The following TKFC variants were observed in gnomAD, a reference collection of about 807,000 sequenced individuals.
TKFC encodes triokinase/FMN cyclase.
In TKFC, 46 loss-of-function variants were observed where a neutral mutation model predicts 61.0. The ratio of observed to expected loss-of-function variants is 0.75; its 90% CI spans 0.60 to 0.96. The LOEUF (loss-of-function observed/expected upper bound fraction) is 0.96. TKFC is among the 50% of genes least tolerant of loss of function. TKFC has a pLI of 0.00. For synonymous variants in TKFC, 314 were observed against 330.1 expected, an observed-to-expected ratio of 0.95 and a Z score of 0.53; for missense variants, 715 against 777.5, an observed-to-expected ratio of 0.92 and a Z score of 0.96.
At position 61,337,962 on chromosome 11, in the gene TKFC, T is replaced by A. The variant is rs781459093; in HGVS notation, c.25T>A (p.Ser9Thr). 1.2e-6 allele frequency: 2 copies of A among 1,609,176 alleles called. No homozygotes were observed. The highest frequency in any genetic ancestry group is 8.5e-7 in the Non-Finnish European group (1 of 1,178,162). The change falls in exon 3 of 18, where the codon TCG becomes ACG. Residue 9 changes from serine (S) to threonine (T), a missense_variant. By Grantham distance (58) the Ser-to-Thr change is moderately conservative. Transcript: ENST00000394900. MTSKKLVN[S>T]VAGCADDALA... ...GCAGACCTCCAAGAAGCTGGTGAACTCGGTGGCTGGCTGTGCTGATGACGC... is the reference window on the plus strand; with the variant it reads ...GCAGACCTCCAAGAAGCTGGTGAACACGGTGGCTGGCTGTGCTGATGACGC...
At chr11:61,344,419 A>G (rs1342261175) in intron 13 of TKFC, 146 bp downstream of exon 13, 1 of 1,183,870 alleles carries the variant, frequency 8.4e-7, no homozygotes, top group African/African-American at 1.6e-5. Context: ...TGGAGTATGC[A>G]ATGGTGTGAT....
rs767924731 is a variant in TKFC, at chr11:61,342,468, C to T, written c.663C>T (p.His221=). 15 of 1,613,948 alleles carry T rather than the reference C, an allele frequency of 9.3e-6. No homozygotes were observed. In the East Asian group the frequency reaches 1.1e-4, roughly 12 times the overall value. ...GACCACATCTATCCGCAGGGATCCA[C>T]GGGGAAGCTGGTGTGCGCCGGATAA... ...ADEVELGLGI[H]GEAGVRRIKM... is the part of the protein sequence containing the mutation. Residue 221 remains histidine (H), a synonymous_variant, in exon 8 of 18, where the codon CAC becomes CAT. Transcript: ENST00000394900.
rs1238667379 is a variant in TKFC at position 61,341,834 on chromosome 11, G to T, written c.577G>T (p.Val193Leu). The T allele has an allele frequency of 1.9e-6, 3 of 1,613,938 alleles. No homozygotes were observed. The highest frequency in any genetic ancestry group is 2.5e-6 in the Non-Finnish European group (3 of 1,179,904). ...CTTGTTTCTCATAGGTACCCTGGGG[G>T]TGAGCTTATCCTCCTGCAGCGTCCC... is the stretch of plus-strand genomic sequence containing the variant. The part of the protein sequence containing the change: ...VVAKAMGTLG[V>L]SLSSCSVPGS... Residue 193 changes from valine (V) to leucine (L), a missense_variant, in exon 7 of 18, where the codon GTG (valine) becomes TTG (leucine). Transcript: ENST00000394900.
chr11:61,348,464 C>A lies in TKFC; in HGVS notation c.*1961C>A. ...CCCAGAACTCATTTAACCACAGCAT[C>A]ATTTCATTAGAGGGCTGTTATTAGA... On this transcript the variant is annotated 3_prime_UTR_variant, in exon 18 of 18. Coordinates refer to ENST00000394900, the MANE Select transcript of TKFC (RefSeq NM_015533.4). 1 of 985,472 alleles carries A rather than the reference C, an allele frequency of 1.0e-6. No individual in the cohort carries two copies. Among genetic ancestry groups the A allele is most frequent in the Non-Finnish European group, 1.2e-6 (1 of 829,976 alleles). The allele number at this position is 985,472 out of a possible 1,614,324, so 61.0% of individuals were successfully genotyped here.
At chr11:61,343,199 A>G in intron 10 of TKFC, 143 bp from the exon 11 acceptor site, 1 of 755,586 alleles carries the variant, frequency 1.3e-6, no homozygotes, top group Non-Finnish European at 2.2e-6. Context: ...TTGTGGGGTT[A>G]TTGAGGGATG....
chr11:61,348,154 G>A lies in TKFC; in HGVS notation c.*1651G>A, dbSNP rs1345157894. The A allele has an allele frequency of 4.1e-6, 4 of 985,426 alleles. No individual in the cohort carries two copies. Among genetic ancestry groups the A allele is most frequent in the Non-Finnish European group, 4.8e-6 (4 of 829,936 alleles). 61.0% of individuals were successfully genotyped at this position (985,426 alleles called of 1,614,324 possible). ...GCTGGGAAGGAGGCTGACCTCAGAC[G>A]GTGGCCTGTGGATCCCAGCTCTGTC... On this transcript the variant is annotated 3_prime_UTR_variant, in exon 18 of 18. Transcript: ENST00000394900.
At position 61,345,342 on chromosome 11, in the gene TKFC, G is replaced by C. The variant is rs1357935285; in HGVS notation, c.1323G>C (p.Glu441Asp). Residue 441 changes from glutamate to aspartate, a missense_variant, in exon 14 of 18, where the codon GAG (glutamate) becomes GAC (aspartate). Glu to Asp is a conservative substitution (Grantham distance 45). Coordinates refer to ENST00000394900, the MANE Select transcript of TKFC (RefSeq NM_015533.4). Reference sequence around the variant, plus strand: ...CCAAGTTGTCTGTCCTGCTCCTGGAGAAGATGGGAGGCTCATCTGGGGCGG... The same window carrying C: ...CCAAGTTGTCTGTCCTGCTCCTGGACAAGATGGGAGGCTCATCTGGGGCGG... ...LLSKLSVLLL[E>D]KMGGSSGALY... 6.2e-7 allele frequency: 1 copy of C among 1,604,434 alleles called. No individual in the cohort carries two copies. Among genetic ancestry groups the C allele is most frequent in the Non-Finnish European group, 8.5e-7 (1 of 1,173,280 alleles).
At chr11:61,349,512 G>A (rs996944938), downstream of TKFC, 45 of 702,260 alleles carry the variant, frequency 6.4e-5, no homozygotes, top group African/African-American at 1.0e-4. Context: ...GTTACTCATC[G>A]CTACTGGGAC....
rs367897915 is a variant in TKFC at position 61,341,495 on chromosome 11, C to A, written c.546C>A (p.Asn182Lys). 6.4e-7 allele frequency: 1 copy of A among 1,555,456 alleles called. No individual in the cohort carries two copies. Among genetic ancestry groups the A allele is most frequent in the Admixed American group, 1.9e-5 (1 of 51,380 alleles). Reference sequence around the variant, plus strand: ...TGGAGGAGATCGCAAAGCAGGTGAACGTGGTCGCCAAGGCCATGGGTGAGT... The same window carrying A: ...TGGAGGAGATCGCAAAGCAGGTGAAAGTGGTCGCCAAGGCCATGGGTGAGT... ...VGLEEIAKQV[N>K]VVAKAMGTLG... The change falls in exon 6 of 18, where the codon AAC becomes AAA. Residue 182 changes from asparagine to lysine, a missense_variant. Coordinates refer to ENST00000394900, the MANE Select transcript of TKFC (RefSeq NM_015533.4).
chr11:61,333,390 CT>C, intron 1 of TKFC, 61 bp downstream of exon 1: 1 of 159,444 alleles, frequency 6.3e-6, no homozygotes, highest in Non-Finnish European at 1.4e-5. Flanking sequence ...GCCCTTTGCC[CT>C]TCCCCGCATC....
rs139629573 is a variant in TKFC at position 61,342,658 on chromosome 11, G to A, written c.775G>A (p.Gly259Ser). 1.3e-4 allele frequency: 210 copies of A among 1,614,012 alleles called. No homozygotes were observed. In the Middle Eastern group the frequency reaches 1.3e-3, roughly 10 times the overall value. ...TNASHVPVQP[G>S]SSVVMMVNNL... Reference sequence around the variant, plus strand: ...CGCGTCCCATGTGCCTGTGCAGCCCGGTGGGTAGCCTCTCGCCCGCGTCTC... The same window carrying A: ...CGCGTCCCATGTGCCTGTGCAGCCCAGTGGGTAGCCTCTCGCCCGCGTCTC... The change falls in exon 9 of 18, where the codon GGC becomes AGC. Residue 259 changes from glycine to serine, a missense_variant and splice_region_variant. Transcript: ENST00000394900.
At position 61,346,035 on chromosome 11, in the gene TKFC, C is replaced by T. The variant is rs750553473; in HGVS notation, c.1575+89C>T. 7.3e-7 allele frequency: 1 copy of T among 1,372,164 alleles called. No homozygotes were observed. Among genetic ancestry groups the T allele is most frequent in the Non-Finnish European group, 1.0e-6 (1 of 993,256 alleles). 85.0% of individuals were successfully genotyped at this position (1,372,164 alleles called of 1,614,324 possible). ...ATGTGACCCTGAGCAAGTTAATAAC[C>T]TTCCTGGACCGCAGTTTCCTTCTCT... On this transcript the variant is annotated intron_variant, in intron 17 of 17. Transcript: ENST00000394900. The surrounding 1 kb of genome is among the most constrained non-coding windows in gnomAD (Gnocchi z 4.1).
downstream of TKFC, chr11:61,350,780 A>G (rs187388014): frequency 1.4e-4 from 94 of 672,260 alleles, no homozygotes; most frequent in African/African-American, 5.1e-4. Context: ...CTGTCTCCCA[A>G]TGGACAGACT....
chr11:61,338,941 G>A lies in TKFC; in HGVS notation c.194-125G>A, dbSNP rs1286015008. On this transcript the variant is annotated intron_variant, in intron 3 of 17. Transcript: ENST00000394900. ...AGGAGTCAGCCATGTGAAGACCTGG[G>A]GGATCTTTGAGCACCAAGCACACAG... is the stretch of plus-strand genomic sequence containing the variant. The A allele has an allele frequency of 3.9e-6, 3 of 770,806 alleles. No homozygotes were observed. In the Admixed American group the frequency reaches 8.2e-5, roughly 21 times the overall value. The allele number at this position is 770,806 out of a possible 1,614,324, so 47.7% of individuals were successfully genotyped here. A position where few individuals can be genotyped will look rare whatever the true frequency, so the allele number is the denominator to read the frequency against.
At position 61,347,721 on chromosome 11, in the gene TKFC, A is replaced by G. The variant is rs1239561922; in HGVS notation, c.*1218A>G. On this transcript the variant is annotated 3_prime_UTR_variant, in exon 18 of 18. Transcript: ENST00000394900. ...AGGCACTGGCTGTCGACTCATACACATGATCTGAAATCTGATTCTGCTTTA... is the reference window on the plus strand; with the variant it reads ...AGGCACTGGCTGTCGACTCATACACGTGATCTGAAATCTGATTCTGCTTTA... 8.1e-6 allele frequency: 8 copies of G among 985,100 alleles called. No homozygotes were observed. The South Asian group carries it at 2.3e-4, about 29-fold the overall frequency. 61.0% of individuals were successfully genotyped at this position (985,100 alleles called of 1,614,324 possible).
chr11:61,343,203 A>T, intron 10 of TKFC, 139 bp from the exon 11 acceptor site: 2 of 772,412 alleles, frequency 2.6e-6, no homozygotes, highest in Admixed American at 4.6e-5. Flanking sequence ...GGGGTTATTG[A>T]GGGATGCCTG....
chr11:61,341,309 C>A, intron 5 of TKFC, 127 bp from the exon 6 acceptor site: 1 of 997,926 alleles, frequency 1.0e-6, no homozygotes, highest in East Asian at 2.6e-5. Context: ...ATGTGATGGG[C>A]CAGGTTGAGT....
intron 7 of TKFC, 107 bp downstream of exon 7, chr11:61,342,019 T>G: frequency 9.0e-7 from 1 of 1,106,802 alleles, no homozygotes; most frequent in Non-Finnish European, 1.3e-6. Flanking sequence ...CCAGGTGGTC[T>G]TAGTATTTTT....
chr11:61,353,375 T>G (rs1368618220), downstream of TKFC: 3 of 614,838 alleles, frequency 4.9e-6, no homozygotes, highest in Non-Finnish European at 8.5e-6. Flanking sequence ...CCCAACCACC[T>G]TGTTTGTCTC....
Sources: gnomAD v4.1 joint callset for allele counts on GRCh38, gnomAD v4.1.1 for gene constraint, Gnocchi (gnomAD v3.1) non-coding constraint, MANE v1.5 for transcripts, NCBI Gene and HGNC (gene_info 2026-07-23, HGNC 2026-07-21) for gene names.